The following CTNNA3 variants were observed in gnomAD, a reference collection of about 807,000 sequenced individuals.
The protein encoded by CTNNA3 is catenin alpha-3.
Under a neutral mutation model 95.7 loss-of-function variants are expected in CTNNA3, and 76 were observed. The ratio of observed to expected loss-of-function variants is 0.79; its 90% CI spans 0.66 to 0.96. The LOEUF (loss-of-function observed/expected upper bound fraction) is 0.96, where lower values mean the gene tolerates loss of function less well. CTNNA3 is among the 40% of genes least tolerant of loss of function. The pLI is 0.00. For missense variants in CTNNA3, 1,191 were observed against 1,089.8 expected (o/e 1.09, Z -1.31); for synonymous variants, 431 against 374.4 (o/e 1.15, Z -1.74).
intron 7 of CTNNA3, among the ~76,000 whole-genome samples, chr10:67,126,487 C>T (rs1277353922): frequency 2.6e-5 from 4 of 152,150 alleles, no homozygotes; most frequent in African/African-American, 9.7e-5. Flanking sequence ...TTGCACTTGG[C>T]TTGCAGCGAG....
At chr10:66,378,128 T>G (rs894913001) in intron 12 of CTNNA3, among the ~76,000 whole-genome samples, 1 of 152,160 alleles carries the variant, frequency 6.6e-6, no homozygotes, top group Non-Finnish European at 1.5e-5. Flanking sequence ...TCAGACCTAG[T>G]CTCTAGTGAA....
At chr10:67,146,430 A>T (rs1470338206) in intron 7 of CTNNA3, among the ~76,000 whole-genome samples, 1 of 152,210 alleles carries the variant, frequency 6.6e-6, no homozygotes, top group Non-Finnish European at 1.5e-5. Flanking sequence ...TCCTTGCTTC[A>T]GGAATCTAGA....
chr10:67,464,865 A>G (rs1485917965), intron 5 of CTNNA3, among the ~76,000 whole-genome samples: 1 of 121,514 alleles, frequency 8.2e-6, no homozygotes, highest in African/African-American at 4.2e-5. Flanking sequence ...TGTAGGTAAG[A>G]AAAAAAAAAA....
chr10:67,309,709 A>G (rs1840702756), intron 5 of CTNNA3, among the ~76,000 whole-genome samples: 1 of 152,200 alleles, frequency 6.6e-6, no homozygotes, highest in Admixed American at 6.5e-5. Flanking sequence ...ACTATTGATC[A>G]ATATACCACA....
chr10:66,094,537 C>T (rs1015383175), intron 14 of CTNNA3, among the ~76,000 whole-genome samples: 3 of 152,038 alleles, frequency 2.0e-5, no homozygotes, highest in African/African-American at 7.2e-5. Context: ...GGTGCCTAAA[C>T]TAAAGGAGGG....
intron 11 of CTNNA3, among the ~76,000 whole-genome samples, chr10:66,516,575 T>C (rs2660042): frequency 0.24 from 35,875 of 151,988 alleles, 5,762 homozygotes; most frequent in East Asian, 0.79. Flanking sequence ...CCTGCAAAGG[T>C]GGGGGTATTT....
At chr10:67,581,617 T>A (rs1354812708) in intron 3 of CTNNA3, among the ~76,000 whole-genome samples, 2 of 152,212 alleles carry the variant, frequency 1.3e-5, no homozygotes, top group Non-Finnish European at 2.9e-5. Flanking sequence ...TTGATTGGAA[T>A]AGTTTCAGAA....
At chr10:67,548,980 A>G (rs1309061897) in intron 3 of CTNNA3, among the ~76,000 whole-genome samples, 3 of 152,198 alleles carry the variant, frequency 2.0e-5, no homozygotes, top group African/African-American at 7.2e-5. Flanking sequence ...GAAAAAATAC[A>G]AATGGTCAAT....
At chr10:65,934,856 T>C (rs1221361248) in intron 17 of CTNNA3, among the ~76,000 whole-genome samples, 1 of 152,054 alleles carries the variant, frequency 6.6e-6, no homozygotes, top group South Asian at 2.1e-4. Flanking sequence ...TGAGGACCGA[T>C]ATAAGATGGC....
At chr10:67,158,052 C>G (rs933487928) in intron 7 of CTNNA3, among the ~76,000 whole-genome samples, 1 of 151,930 alleles carries the variant, frequency 6.6e-6, no homozygotes, top group Non-Finnish European at 1.5e-5. Context: ...TCCACCGGGA[C>G]TGGACTGCCC....
intron 5 of CTNNA3, among the ~76,000 whole-genome samples, chr10:67,449,523 G>A (rs932554996): frequency 3.9e-5 from 6 of 152,068 alleles, no homozygotes; most frequent in Non-Finnish European, 8.8e-5. Flanking sequence ...ACAACTATGT[G>A]ATCTTTGACA....
chr10:67,105,414 A>T (rs1444175018), intron 7 of CTNNA3, among the ~76,000 whole-genome samples: 34 of 152,122 alleles, frequency 2.2e-4, no homozygotes, highest in Non-Finnish European at 1.6e-4. Context: ...ATAGTCCAAA[A>T]CTATAAACTC....
intron 8 of CTNNA3, among the ~76,000 whole-genome samples, chr10:66,767,712 T>C (rs1433363863): frequency 1.3e-5 from 2 of 152,160 alleles, no homozygotes; most frequent in African/African-American, 4.8e-5. Flanking sequence ...TTGGGAGAGC[T>C]GAATGATAGA....
intron 7 of CTNNA3, among the ~76,000 whole-genome samples, chr10:67,091,347 T>A (rs1402645436): frequency 1.3e-5 from 2 of 151,806 alleles, no homozygotes; most frequent in African/African-American, 4.8e-5. Flanking sequence ...TACACAAACA[T>A]ACATGCATAA....
rs528469559 is a variant in CTNNA3 at position 66,790,310 on chromosome 10, G to A, written c.1048-14786C>T. Among the ~76,000 whole-genome samples the A allele has an allele frequency of 2.0e-4, 30 of 152,148 alleles. No homozygotes were observed. The South Asian group carries it at 5.0e-3, about 25-fold the overall frequency. On this transcript the variant is annotated intron_variant, in intron 7 of 17. Coordinates refer to ENST00000433211, the MANE Select transcript of CTNNA3 (RefSeq NM_013266.4). ...CTAAAAAATACAAAAATTACCAGGC[G>A]TGGTGGTGCACATCTGTAATCCCAG...
intron 10 of CTNNA3, among the ~76,000 whole-genome samples, chr10:66,591,929 T>C (rs1843565308): frequency 6.6e-6 from 1 of 152,122 alleles, no homozygotes; most frequent in Non-Finnish European, 1.5e-5. Flanking sequence ...TATAACCCTA[T>C]CAGCTCATAT....
At chr10:66,580,093 T>A (rs564131606) in intron 10 of CTNNA3, among the ~76,000 whole-genome samples, 1 of 150,500 alleles carries the variant, frequency 6.6e-6, no homozygotes, top group South Asian at 2.1e-4. Context: ...TATTTTTCAA[T>A]GGACTGGTTC....
chr10:67,358,095 T>C lies in CTNNA3; in HGVS notation c.580-138225A>G, dbSNP rs578184128. Among the ~76,000 whole-genome samples, 4 of 151,974 alleles carry C rather than the reference T, an allele frequency of 2.6e-5. No homozygotes were observed. In the East Asian group the frequency reaches 7.7e-4, roughly 29 times the overall value. On this transcript the variant is annotated intron_variant, in intron 5 of 17. Transcript: ENST00000433211. ...ATGACTAACCATATGCAAAAAAAAATCTCCACACTTACCTCATGATACACA... is the reference window on the plus strand; with the variant it reads ...ATGACTAACCATATGCAAAAAAAAACCTCCACACTTACCTCATGATACACA...
intron 11 of CTNNA3, among the ~76,000 whole-genome samples, chr10:66,466,853 G>T (rs561750717): frequency 6.6e-6 from 1 of 152,110 alleles, no homozygotes; most frequent in African/African-American, 2.4e-5. Flanking sequence ...GAAAAGAATA[G>T]ATGTAAAGTG....
Sources: allele counts gnomAD v4.1 joint callset (sites outside exome capture counted in the v4.1 genomes callset), GRCh38; gene constraint gnomAD v4.1.1; transcripts MANE v1.5; gene names NCBI Gene and HGNC (gene_info 2026-07-23, HGNC 2026-07-21).